Variants in ADARB2 observed in about 807,000 individuals in gnomAD.
ADARB2 encodes adenosine deaminase RNA specific B2 (inactive), also known as inactive double-stranded RNA-specific editase B2.
ADARB2 carries 25 observed loss-of-function variants against 62.2 expected under a neutral mutation model. That is an observed-to-expected ratio of 0.40 (90% confidence interval 0.29 to 0.56). The LOEUF is 0.56. Among genes scored for constraint, ADARB2 ranks in the 20% least tolerant of loss-of-function variants. The probability of loss-of-function intolerance (pLI) is 0.43; values close to 1 mark genes in which losing one functional copy is unlikely to be tolerated. For missense variants in ADARB2, 1,071 were observed against 1,077.4 expected, an observed-to-expected ratio of 0.99 and a Z score of 0.08; for synonymous variants, 572 against 500.8, an observed-to-expected ratio of 1.14 and a Z score of -1.90.
chr10:1,394,803 G>C (rs1269475742), intron 1 of ADARB2: 1 of 456,428 alleles, frequency 2.2e-6, no homozygotes, highest in African/African-American at 2.0e-5. Flanking sequence ...TCTAAGGGGA[G>C]GAGCTGCTTC....
intron 1 of ADARB2, among the ~76,000 whole-genome samples, chr10:1,511,593 A>G (rs538418705): frequency 2.0e-5 from 3 of 152,274 alleles, no homozygotes; most frequent in Admixed American, 6.5e-5. Context: ...CTGAGCACAC[A>G]TATGAGCCAT....
chr10:1,389,205 G>T (rs906629192), intron 1 of ADARB2, among the ~76,000 whole-genome samples: 2 of 152,130 alleles, frequency 1.3e-5, no homozygotes, highest in Non-Finnish European at 2.9e-5. Context: ...AAATTGAGGA[G>T]ATTACTTTCA....
chr10:1,637,783 G>T (rs1432029319), intron 1 of ADARB2, among the ~76,000 whole-genome samples: 1 of 152,192 alleles, frequency 6.6e-6, no homozygotes, highest in Non-Finnish European at 1.5e-5. Context: ...GTGTCTGCGT[G>T]GCTCCTGTTT....
At chr10:1,420,251 G>A (rs906911357) in intron 1 of ADARB2, among the ~76,000 whole-genome samples, 3 of 152,180 alleles carry the variant, frequency 2.0e-5, no homozygotes, top group Non-Finnish European at 1.5e-5. Context: ...CTTGCCTTGT[G>A]ATTTTCATGT....
chr10:1,470,465 C>G (rs756254604), intron 1 of ADARB2, among the ~76,000 whole-genome samples: 35 of 152,308 alleles, frequency 2.3e-4, no homozygotes, highest in Non-Finnish European at 2.6e-4. Context: ...GTCAAATTAA[C>G]AGAACTTTAT....
chr10:1,486,686 C>T lies in ADARB2; in HGVS notation c.101-107526G>A, dbSNP rs1159847246. On this transcript the variant is annotated intron_variant, in intron 1 of 9. Transcript: ENST00000381312. Reference sequence around the variant, plus strand: ...AGCAGGGGTGCAAAAGAAACGACGGCCAGCCATCAGCATCAGCCTCAGAAC... The same window carrying T: ...AGCAGGGGTGCAAAAGAAACGACGGTCAGCCATCAGCATCAGCCTCAGAAC... Among the ~76,000 whole-genome samples, 4 of 152,098 alleles carry T rather than the reference C, an allele frequency of 2.6e-5. No homozygotes were observed. In the East Asian group the frequency reaches 7.7e-4, roughly 29 times the overall value.
chr10:1,370,945 A>G (rs1832364574), intron 2 of ADARB2, among the ~76,000 whole-genome samples: 1 of 152,272 alleles, frequency 6.6e-6, no homozygotes, highest in South Asian at 2.1e-4. Flanking sequence ...GAATTAGAAA[A>G]AACAATCCTA....
intron 1 of ADARB2, among the ~76,000 whole-genome samples, chr10:1,389,660 T>G (rs1019703796): frequency 6.6e-6 from 1 of 151,906 alleles, no homozygotes; most frequent in African/African-American, 2.4e-5. Flanking sequence ...CAAGAATCGA[T>G]TGAACCGGGG....
chr10:1,488,800 G>C (rs565194350), intron 1 of ADARB2, among the ~76,000 whole-genome samples: 1 of 152,158 alleles, frequency 6.6e-6, no homozygotes, highest in Non-Finnish European at 1.5e-5. Context: ...GTGTTTCCTC[G>C]GGGGAAAACG....
chr10:1,691,628 C>A (rs1834674029), intron 1 of ADARB2, among the ~76,000 whole-genome samples: 1 of 152,206 alleles, frequency 6.6e-6, no homozygotes, highest in African/African-American at 2.4e-5. Context: ...ACTGTTCACA[C>A]CAACTTCACG....
chr10:1,697,983 A>G (rs1834768710), intron 1 of ADARB2, among the ~76,000 whole-genome samples: 1 of 152,252 alleles, frequency 6.6e-6, no homozygotes, highest in South Asian at 2.1e-4. Flanking sequence ...TTCTCTAAAC[A>G]TTAAACAATA....
chr10:1,310,311 C>A (rs1253406114), intron 3 of ADARB2, among the ~76,000 whole-genome samples: 3 of 152,216 alleles, frequency 2.0e-5, no homozygotes, highest in Non-Finnish European at 4.4e-5. Flanking sequence ...GGAGAAGCAG[C>A]TGGCACTGAG....
chr10:1,403,957 G>C (rs904497103), intron 1 of ADARB2, among the ~76,000 whole-genome samples: 2 of 152,156 alleles, frequency 1.3e-5, no homozygotes, highest in African/African-American at 2.4e-5. Context: ...ATATCAACCA[G>C]GCCAGTAGTT....
chr10:1,493,129 G>A (rs1358532043), intron 1 of ADARB2, among the ~76,000 whole-genome samples: 1 of 152,122 alleles, frequency 6.6e-6, no homozygotes, highest in Non-Finnish European at 1.5e-5. Context: ...ACCACCTAAT[G>A]TACACTTCGA....
At position 1,495,176 on chromosome 10, in the gene ADARB2, T is replaced by G. The variant is rs373934856; in HGVS notation, c.101-116016A>C. On this transcript the variant is annotated intron_variant, in intron 1 of 9. Coordinates refer to ENST00000381312, the MANE Select transcript of ADARB2 (RefSeq NM_018702.4). ...GTAGAAATTGGTGAACTGAACTCCTTTAAGTCTGCTACAAAACCAACCTTG... is the reference window on the plus strand; with the variant it reads ...GTAGAAATTGGTGAACTGAACTCCTGTAAGTCTGCTACAAAACCAACCTTG... Among the ~76,000 whole-genome samples the G allele has an allele frequency of 1.6e-4, 25 of 152,336 alleles. 2 individuals carry two copies. Among genetic ancestry groups the G allele is most frequent in the African/African-American group, 6.0e-4 (25 of 41,564 alleles).
chr10:1,310,907 A>G (rs765190565), intron 3 of ADARB2, among the ~76,000 whole-genome samples: 5 of 152,266 alleles, frequency 3.3e-5, no homozygotes, highest in Non-Finnish European at 7.3e-5. Context: ...TTTGACCTAC[A>G]AGAATGCAAA....
chr10:1,491,096 A>G (rs1202158448), intron 1 of ADARB2, among the ~76,000 whole-genome samples: 1 of 152,224 alleles, frequency 6.6e-6, no homozygotes, highest in Non-Finnish European at 1.5e-5. Flanking sequence ...TTTAAGAGAC[A>G]GACTCTTGCT....
intron 3 of ADARB2, among the ~76,000 whole-genome samples, chr10:1,325,741 C>G (rs974754244): frequency 3.3e-5 from 5 of 152,180 alleles, no homozygotes; most frequent in Admixed American, 3.3e-4. Flanking sequence ...AAGCTTCCTT[C>G]TCAGTCCTGG....
chr10:1,308,797 T>C (rs560155820), intron 3 of ADARB2, among the ~76,000 whole-genome samples: 2 of 152,386 alleles, frequency 1.3e-5, no homozygotes, highest in African/African-American at 2.4e-5. Flanking sequence ...TAACACAGAC[T>C]ACCTCTATTT....
Sources: gnomAD v4.1 joint callset for allele counts (sites outside exome capture counted in the v4.1 genomes callset) on GRCh38, gnomAD v4.1.1 for gene constraint, MANE v1.5 for transcripts, NCBI Gene and HGNC (gene_info 2026-07-23, HGNC 2026-07-21) for gene names.